Variants in SERF2 observed in about 807,000 individuals in gnomAD.
The protein encoded by SERF2 is small EDRK-rich factor 2, also known as gastric cancer-related protein VRG107.
In SERF2, 4 loss-of-function variants were observed where a neutral mutation model predicts 10.7. That is an observed-to-expected ratio of 0.37 (90% CI 0.18 to 0.86). The LOEUF (loss-of-function observed/expected upper bound fraction) is 0.86, where lower values mean the gene tolerates loss of function less well. Ranked by LOEUF, SERF2 falls within the 40% of genes least tolerant of loss-of-function variation. The pLI is 0.43. For synonymous variants in SERF2, 26 were observed against 26.0 expected, an observed-to-expected ratio of 1.00 and a Z score of 0.01; for missense variants, 47 against 79.1, an observed-to-expected ratio of 0.59 and a Z score of 1.54.
At position 43,792,341 on chromosome 15, in the gene SERF2, A is replaced by T; in HGVS notation, c.-36A>T. 2.0e-6 allele frequency: 3 copies of T among 1,534,428 alleles called. No individual in the cohort carries two copies. The highest frequency in any genetic ancestry group is 2.7e-6 in the Non-Finnish European group (3 of 1,107,508). Reference sequence around the variant, plus strand: ...CTGCAACGTCCGACAGAACGAGGGGACGTAACGGAGGCAGGTTGGAGCCGC... The same window carrying T: ...CTGCAACGTCCGACAGAACGAGGGGTCGTAACGGAGGCAGGTTGGAGCCGC... On this transcript the variant is annotated 5_prime_UTR_variant, in exon 1 of 3. Transcript: ENST00000249786.
chr15:43,788,037 G>T (rs1288404854), upstream of SERF2, among the ~76,000 whole-genome samples: 1 of 152,024 alleles, frequency 6.6e-6, no homozygotes, highest in East Asian at 1.9e-4. Context: ...ACCATGCCTG[G>T]CTAATTTTTG....
At chr15:43,788,865 T>C (rs991565661), upstream of SERF2, among the ~76,000 whole-genome samples, 2 of 151,942 alleles carry the variant, frequency 1.3e-5, no homozygotes, top group African/African-American at 2.4e-5. Flanking sequence ...AAAAGTACAC[T>C]AGGGCCGGGC....
intron 1 of SERF2, among the ~76,000 whole-genome samples, chr15:43,783,444 T>C (rs2086980416): frequency 6.7e-6 from 1 of 148,558 alleles, no homozygotes; most frequent in Non-Finnish European, 1.5e-5. Flanking sequence ...ACTACAGGCA[T>C]GTGCCACCAC....
At chr15:43,780,578 C>T (rs933193643) in intron 1 of SERF2, among the ~76,000 whole-genome samples, 1 of 152,132 alleles carries the variant, frequency 6.6e-6, no homozygotes, top group Non-Finnish European at 1.5e-5. Flanking sequence ...ATTTCCCCCT[C>T]CTCCCAGCCC....
Position 43,795,854 on chromosome 15 carries a change from C to A in SERF2, c.*2081C>A, listed in dbSNP as rs921938930. The A allele has an allele frequency of 1.0e-6, 1 of 982,846 alleles. No homozygotes were observed. Among genetic ancestry groups the A allele is most frequent in the Non-Finnish European group, 1.5e-6 (1 of 668,234 alleles). The allele number at this position is 982,846 out of a possible 1,614,324, so 60.9% of individuals were successfully genotyped here. ...TAAAAAGTGGAGGCACACCTGGGTT[C>A]AAATTCTAGCTCCAGCATATAAGTG... On this transcript the variant is annotated 3_prime_UTR_variant, in exon 3 of 3. Coordinates refer to ENST00000249786, the MANE Select transcript of SERF2 (RefSeq NM_001018108.4).
At chr15:43,782,361 T>G (rs2086971472) in intron 1 of SERF2, among the ~76,000 whole-genome samples, 1 of 152,228 alleles carries the variant, frequency 6.6e-6, no homozygotes, top group Non-Finnish European at 1.5e-5. Flanking sequence ...CTTACCATAT[T>G]ATGTTCACAT....
chr15:43,792,158 G>A, upstream of SERF2: 1 of 599,776 alleles, frequency 1.7e-6, no homozygotes. Flanking sequence ...GCCCCACGCT[G>A]AGCGCTCCGC....
At chr15:43,790,426 C>T (rs965054101), upstream of SERF2, among the ~76,000 whole-genome samples, 1 of 152,024 alleles carries the variant, frequency 6.6e-6, no homozygotes, top group Non-Finnish European at 1.5e-5. Flanking sequence ...GCTTTTTTCT[C>T]TGTATCTTTC....
chr15:43,792,703 C>A, intron 1 of SERF2: 1 of 1,096,714 alleles, frequency 9.1e-7, no homozygotes, highest in Non-Finnish European at 1.3e-6. Context: ...CGTCCACACA[C>A]ACCTTGCCAG....
intron 2 of SERF2, among the ~76,000 whole-genome samples, chr15:43,786,414 CAAAA>C (rs1190326241): frequency 2.9e-5 from 2 of 68,978 alleles, no homozygotes; most frequent in African/African-American, 5.0e-5. Context: ...GACTCTGTCT[CAAAA>C]AAAAAAAAAA....
At chr15:43,781,453 G>C (rs1223289726) in intron 1 of SERF2, among the ~76,000 whole-genome samples, 1 of 152,030 alleles carries the variant, frequency 6.6e-6, no homozygotes, top group Non-Finnish European at 1.5e-5. Context: ...TCGGGAGGAG[G>C]AGACAGGAGA....
chr15:43,792,083 A>C (rs1013418558), upstream of SERF2: 1,335 of 432,876 alleles, frequency 3.1e-3, 4 homozygotes, highest in East Asian at 6.7e-3. Context: ...CTCCACCCCC[A>C]ACCTGCCCAC....
At chr15:43,788,623 C>G (rs947408478), upstream of SERF2, among the ~76,000 whole-genome samples, 2 of 152,308 alleles carry the variant, frequency 1.3e-5, no homozygotes, top group Admixed American at 6.5e-5. Context: ...AGTCTCCTGA[C>G]TGGTCTCCTC....
In SERF2 at chr15:43,794,119, AGG is replaced by A. The variant is rs1347688521; in HGVS notation, c.*348_*349del. 12 of 711,478 alleles carry A rather than the reference AGG, an allele frequency of 1.7e-5. No individual in the cohort carries two copies. The highest frequency in any genetic ancestry group is 2.7e-5 in the Non-Finnish European group (12 of 443,918). 44.1% of individuals were successfully genotyped at this position (711,478 alleles called of 1,614,324 possible). On this transcript the variant is annotated 3_prime_UTR_variant, in exon 3 of 3. Transcript: ENST00000249786. ...AATGACTGCCCTTTCCCACCAAAAA[AGG>A]GAGAACTCTTTAGATTCAGATTGTG...
intron 1 of SERF2, among the ~76,000 whole-genome samples, chr15:43,778,499 A>T (rs1251351173): frequency 7.1e-6 from 1 of 140,218 alleles, no homozygotes; most frequent in East Asian, 2.3e-4. Context: ...TGTTTTCGCC[A>T]CTGAACTTCA....
At chr15:43,782,369 C>T (rs1331039021) in intron 1 of SERF2, among the ~76,000 whole-genome samples, 2 of 152,122 alleles carry the variant, frequency 1.3e-5, no homozygotes, top group Non-Finnish European at 2.9e-5. Context: ...ATTATGTTCA[C>T]ATTTTCCTTC....
At chr15:43,792,797 C>G in intron 1 of SERF2, 178 bp from the exon 2 acceptor site, 2 of 681,806 alleles carry the variant, frequency 2.9e-6, no homozygotes, top group Admixed American at 5.9e-5. Context: ...TTTGACCTGG[C>G]CCGTGGCAGA....
At chr15:43,793,160 C>T (rs773016910) in intron 2 of SERF2, 77 bp downstream of exon 2, 8 of 902,052 alleles carry the variant, frequency 8.9e-6, no homozygotes, top group South Asian at 1.4e-5. Context: ...AAGAGAGCTA[C>T]CTCAGGGCTT....
Position 43,778,556 on chromosome 15 carries a change from C to A in SERF2, c.-527+1054C>A, listed in dbSNP as rs921690927. Reference sequence around the variant, plus strand: ...CCTGTCTCAAAAAAAGAAAAAAAGGCCAGGCGCGCTGGCAGATTCCATCTC... The same window carrying A: ...CCTGTCTCAAAAAAAGAAAAAAAGGACAGGCGCGCTGGCAGATTCCATCTC... On this transcript the variant is annotated intron_variant, in intron 1 of 4. Transcript: ENST00000381359. Among the ~76,000 whole-genome samples, 3 of 89,306 alleles carry A rather than the reference C, an allele frequency of 3.4e-5. No individual in the cohort carries two copies. In the South Asian group the frequency reaches 1.1e-3, roughly 32 times the overall value. 58.6% of individuals were successfully genotyped at this position (89,306 alleles called of 152,430 possible). A position where few individuals can be genotyped will look rare whatever the true frequency, so the allele number is the denominator to read the frequency against.
Sources: allele counts gnomAD v4.1 joint callset (sites outside exome capture counted in the v4.1 genomes callset), GRCh38; gene constraint gnomAD v4.1.1; transcripts MANE v1.5; gene names NCBI Gene and HGNC (gene_info 2026-07-23, HGNC 2026-07-21).